MYH6: variants seen among roughly 807,000 people sequenced by gnomAD.
MYH6 encodes the protein myosin heavy chain 6, also known as myosin-6.
Under a neutral mutation model 223.2 loss-of-function variants are expected in MYH6, and 126 were observed. The ratio of observed to expected loss-of-function variants is 0.56; its 90% confidence interval spans 0.49 to 0.65. The LOEUF is 0.65. MYH6 is among the 30% of genes least tolerant of loss of function. The pLI is 0.00. For synonymous variants in MYH6, 978 were observed against 1,010.2 expected, an observed-to-expected ratio of 0.97 and a Z score of 0.61; for missense variants, 2,040 against 2,536.4, an observed-to-expected ratio of 0.80 and a Z score of 4.20.
At position 23,405,258 on chromosome 14, in the gene MYH6, G is replaced by C. The variant is rs372298082; in HGVS notation, c.467C>G (p.Ser156Cys). The change falls in exon 5 of 39, where the codon TCC (serine) becomes TGC (cysteine). Residue 156 changes from serine to cysteine, a missense_variant. This residue lies in a region of MYH6 where 184 missense variants were observed against 232.4 expected (regional missense o/e 0.79). Transcript: ENST00000405093. The surrounding 1 kb of genome is among the most constrained non-coding windows in gnomAD (Gnocchi z 4.7). ...GTACTGATAGGCGTTGTCGGAGATG[G>C]AGAAGATGTGGGGCGGGGCCTCACT... ...KRSEAPPHIF[S>C]ISDNAYQYML... is the part of the protein sequence containing the mutation. 3.7e-6 allele frequency: 6 copies of C among 1,614,056 alleles called. No individual in the cohort carries two copies. The African/African-American group carries it at 8.0e-5, about 22-fold the overall frequency.
intron 23 of MYH6, 64 bp from the exon 24 acceptor site, chr14:23,393,121 G>T: frequency 1.2e-6 from 2 of 1,603,708 alleles, no homozygotes; most frequent in African/African-American, 1.3e-5. Context: ...ATGCTCTTTT[G>T]CCTCCTTCTA....
chr14:23,397,508 C>T lies in MYH6; in HGVS notation c.1962+35G>A, dbSNP rs746499890. Reference sequence around the variant, plus strand: ...CAGAAGTCTCTGGGCTGGGCCATTCCACCAGGTGTCCTGGCACCCCTGGGC... The same window carrying T: ...CAGAAGTCTCTGGGCTGGGCCATTCTACCAGGTGTCCTGGCACCCCTGGGC... On this transcript the variant is annotated intron_variant, in intron 16 of 38. Transcript: ENST00000405093. The T allele has an allele frequency of 3.7e-6, 6 of 1,608,158 alleles. No homozygotes were observed. In the Admixed American group the frequency reaches 1.0e-4, roughly 27 times the overall value.
At chr14:23,384,303 T>C in intron 36 of MYH6, 139 bp downstream of exon 36, 1 of 1,363,488 alleles carries the variant, frequency 7.3e-7, no homozygotes, top group Non-Finnish European at 1.0e-6. Flanking sequence ...CAAGTCAAAC[T>C]GACTGCAGAG....
At position 23,400,820 on chromosome 14, in the gene MYH6, A is replaced by T. The variant is rs1347517536; in HGVS notation, c.1299T>A (p.Tyr433Ter). The change falls in exon 13 of 39, where the codon TAT becomes TAA. Residue 433 changes from tyrosine to a stop codon, truncating the protein, a stop_gained. Transcript: ENST00000405093. LOFTEE classifies it high-confidence loss of function. ...TCACCATCCAGTTGAACATCTTCTC[A>T]TACACTGCCTTGGCCAGAGCCCCGA... Reference protein sequence around the residue: ...YSIGALAKAVYEKMFNWMVTR... With the variant: ...YSIGALAKAV 6.2e-7 allele frequency: 1 copy of T among 1,614,010 alleles called. No homozygotes were observed. The highest frequency in any genetic ancestry group is 8.5e-7 in the Non-Finnish European group (1 of 1,180,026).
Position 23,405,900 on chromosome 14 carries a change from G to C in MYH6, c.202-130C>G, listed in dbSNP as rs895301297. Reference sequence around the variant, plus strand: ...CTCCCCTTGCTCTGACCAGTGCCCCGGCCCCTACCCCGATGTCCCCTGGGA... The same window carrying C: ...CTCCCCTTGCTCTGACCAGTGCCCCCGCCCCTACCCCGATGTCCCCTGGGA... On this transcript the variant is annotated intron_variant, in intron 3 of 38. Transcript: ENST00000405093. The surrounding 1 kb of genome is among the most constrained non-coding windows in gnomAD (Gnocchi z 4.7). 9.6e-6 allele frequency: 11 copies of C among 1,149,560 alleles called. No homozygotes were observed. In the South Asian group the frequency reaches 1.3e-4, roughly 13 times the overall value. 71.2% of individuals were successfully genotyped at this position (1,149,560 alleles called of 1,614,324 possible). A position where few individuals can be genotyped will look rare whatever the true frequency, so the allele number is the denominator to read the frequency against.
intron 9 of MYH6, 131 bp from the exon 10 acceptor site, chr14:23,403,577 TTAAA>T: frequency 8.4e-7 from 1 of 1,195,974 alleles, no homozygotes; most frequent in Middle Eastern, 2.0e-4. Flanking sequence ...AAGATGTGGC[TTAAA>T]TAAAAAGGAT....
intron 31 of MYH6, 31 bp downstream of exon 31, chr14:23,387,727 T>C (rs1298279802): frequency 6.2e-7 from 1 of 1,613,534 alleles, no homozygotes. Flanking sequence ...TCCCACCAAC[T>C]CATCTCTGGC....
intron 26 of MYH6, 124 bp from the exon 27 acceptor site, chr14:23,389,843 G>T (rs1392237529): frequency 2.6e-6 from 4 of 1,543,580 alleles, no homozygotes; most frequent in Non-Finnish European, 3.6e-6. Context: ...GTGGGAGGGC[G>T]CAGTCTGAAG....
chr14:23,393,386 T>C lies in MYH6; in HGVS notation c.3061A>G (p.Ser1021Gly). Residue 1021 changes from serine (S) to glycine (G), a missense_variant, in exon 23 of 39, where the codon AGC (serine) becomes GGC (glycine). Physicochemically the swap from Ser to Gly is moderately conservative, Grantham distance 56. Around this residue, in one of 4 missense-constraint regions of MYH6, gnomAD observed 1,203 missense variants for 1,400.2 expected, o/e 0.86. Coordinates refer to ENST00000405093, the MANE Select transcript of MYH6 (RefSeq NM_002471.4). ...DLQVEEDKVN[S>G]LSKSKVKLEQ... ...AGCTTGACCTTAGACTTGGACAGGC[T>C]GTTGACCTTGTCTTCCTCAACCTGA... 6.2e-7 allele frequency: 1 copy of C among 1,614,234 alleles called. No homozygotes were observed. The highest frequency in any genetic ancestry group is 8.5e-7 in the Non-Finnish European group (1 of 1,180,040).
intron 15 of MYH6, among the ~76,000 whole-genome samples, chr14:23,398,077 G>A (rs1165994883): frequency 6.7e-6 from 1 of 150,210 alleles, no homozygotes. Flanking sequence ...GAGTGCAGTG[G>A]TGCAATCTTG....
In MYH6 at chr14:23,397,910, T is replaced by TCTCCTCCTCCTC. The variant is rs1247030438; in HGVS notation, c.1892-309_1892-298dup. The stretch of plus-strand genomic sequence containing the variant: ...TTCTTATATCTTTCCACATTCTAGT[T>TCTCCTCCTCCTC]CTCCTCCTCCTCCTCCTCCTCCTCT... On this transcript the variant is annotated intron_variant, in intron 15 of 38. Coordinates refer to ENST00000405093, the MANE Select transcript of MYH6 (RefSeq NM_002471.4). Among the ~76,000 whole-genome samples the TCTCCTCCTCCTC allele has an allele frequency of 1.5e-3, 166 of 112,882 alleles. 8 individuals are homozygous for TCTCCTCCTCCTC. Among genetic ancestry groups the TCTCCTCCTCCTC allele is most frequent in the African/African-American group, 4.9e-3 (128 of 26,206 alleles). 74.1% of individuals were successfully genotyped at this position (112,882 alleles called of 152,430 possible). A position where few individuals can be genotyped will look rare whatever the true frequency, so the allele number is the denominator to read the frequency against.
In MYH6 at chr14:23,405,272, C is replaced by T. The variant is rs777360238; in HGVS notation, c.453G>A (p.Pro151=). 1.9e-5 allele frequency: 30 copies of T among 1,614,018 alleles called. No homozygotes were observed. The highest frequency in any genetic ancestry group is 8.3e-5 in the Admixed American group (5 of 60,000). Residue 151 remains proline, a synonymous_variant, in exon 5 of 39, where the codon CCG becomes CCA. Coordinates refer to ENST00000405093, the MANE Select transcript of MYH6 (RefSeq NM_002471.4). The surrounding 1 kb of genome is among the most constrained non-coding windows in gnomAD (Gnocchi z 4.7). ...AYRGKKRSEA[P]PHIFSISDNA... ...TGTCGGAGATGGAGAAGATGTGGGG[C>T]GGGGCCTCACTCCTCTTCTTGCCCC...
chr14:23,393,614 G>C lies in MYH6; in HGVS notation c.2928+52C>G. ...TGCCAAGGACCAGGACAACACTCTAGTCTGGGAGTCTTGAGGAGACCTGGG... is the reference window on the plus strand; with the variant it reads ...TGCCAAGGACCAGGACAACACTCTACTCTGGGAGTCTTGAGGAGACCTGGG... On this transcript the variant is annotated intron_variant, in intron 22 of 38. Coordinates refer to ENST00000405093, the MANE Select transcript of MYH6 (RefSeq NM_002471.4). 2.5e-6 allele frequency: 4 copies of C among 1,614,200 alleles called. No homozygotes were observed. In the South Asian group the frequency reaches 4.4e-5, roughly 18 times the overall value.
chr14:23,397,639 A>G (rs1304332212), intron 15 of MYH6, 26 bp from the exon 16 acceptor site: 1 of 1,612,280 alleles, frequency 6.2e-7, no homozygotes, highest in African/African-American at 1.3e-5. Context: ...AGAAATAATC[A>G]ACAGGAGCTG....
Position 23,393,434 on chromosome 14 carries a change from G to A in MYH6, c.3013C>T (p.His1005Tyr). Reference protein sequence around the residue: ...TKEKKALQEAHQQALDDLQVE... With the variant: ...TKEKKALQEAYQQALDDLQVE... ...TGAAGGTCATCCAGGGCCTGCTGAT[G>A]GGCCTCTTGTAGAGCTTTCTTCTCC... Residue 1005 changes from histidine (H) to tyrosine (Y), a missense_variant, in exon 23 of 39, where the codon CAT (histidine) becomes TAT (tyrosine). Around this residue, in one of 4 missense-constraint regions of MYH6, gnomAD observed 1,203 missense variants for 1,400.2 expected, o/e 0.86. Coordinates refer to ENST00000405093, the MANE Select transcript of MYH6 (RefSeq NM_002471.4). 1 of 1,614,104 alleles carries A rather than the reference G, an allele frequency of 6.2e-7. No homozygotes were observed. Among genetic ancestry groups the A allele is most frequent in the Admixed American group, 1.7e-5 (1 of 60,012 alleles).
rs1231663081 is a variant in MYH6 at position 23,402,808 on chromosome 14, AGGCAAGGGGTGAGGCAGG to A, written c.899-26_899-9del. 7 of 1,468,596 alleles carry A rather than the reference AGGCAAGGGGTGAGGCAGG, an allele frequency of 4.8e-6. No individual in the cohort carries two copies. The highest frequency in any genetic ancestry group is 3.1e-5 in the East Asian group (1 of 32,766). 91.0% of individuals were successfully genotyped at this position (1,468,596 alleles called of 1,614,324 possible). A position where few individuals can be genotyped will look rare whatever the true frequency, so the allele number is the denominator to read the frequency against. ...TGGTGACCAGCAGCATGTCTGCACC[AGGCAAGGGGTGAGGCAGG>A]GGCAAGGGGGCAGGCGGAGGGCAGG... On this transcript the variant is annotated splice_polypyrimidine_tract_variant and intron_variant, in intron 10 of 38. Coordinates refer to ENST00000405093, the MANE Select transcript of MYH6 (RefSeq NM_002471.4).
In MYH6 at chr14:23,407,164, C is replaced by G; in HGVS notation, c.60G>C (p.Glu20Asp). 2 of 1,614,286 alleles carry G rather than the reference C, an allele frequency of 1.2e-6. No homozygotes were observed. Among genetic ancestry groups the G allele is most frequent in the Non-Finnish European group, 1.7e-6 (2 of 1,180,048 alleles). Residue 20 changes from glutamate to aspartate, a missense_variant, in exon 3 of 39, where the codon GAG (glutamate) becomes GAC (aspartate). Around this residue, in one of 4 missense-constraint regions of MYH6, gnomAD observed 184 missense variants for 232.4 expected, o/e 0.79. Transcript: ENST00000405093. This position sits in a 1 kb window ranked among gnomAD's most constrained non-coding sequence, Gnocchi z 5.6. ...GAAAQYLRKS[E>D]KERLEAQTRP... ...GGGTCTGGGCCTCTAGACGCTCCTT[C>G]TCTGACTTGCGGAGGTACTGGGCCG...
intron 28 of MYH6, 72 bp from the exon 29 acceptor site, chr14:23,389,127 GTA>G: frequency 6.7e-7 from 1 of 1,494,218 alleles, no homozygotes; most frequent in Non-Finnish European, 8.9e-7. Context: ...CTCTTCTTAT[GTA>G]GTACTTCAAC....
Position 23,393,900 on chromosome 14 carries a change from GT to G in MYH6, c.2693del (p.Asp898AlafsTer13). On this transcript the variant is annotated frameshift_variant, in exon 22 of 39. Transcript: ENST00000405093. LOFTEE classifies it high-confidence loss of function. Reference protein sequence around the residue: ...DLQLQVQAEQDNLNDAEERCD... With the variant: ...DLQLQVQAEQXNLNDAEERCD... ...AGCGCTCCTCAGCATCATTGAGGTT[GT>G]CTTGTTCCTGGGAGAAGAGAACAGG... The G allele has an allele frequency of 6.2e-7, 1 of 1,614,198 alleles. No homozygotes were observed. Among genetic ancestry groups the G allele is most frequent in the African/African-American group, 1.3e-5 (1 of 75,040 alleles).
Sources: allele counts gnomAD v4.1 joint callset (sites outside exome capture counted in the v4.1 genomes callset), GRCh38; gene constraint gnomAD v4.1.1; regional missense constraint gnomAD v4.1.1; non-coding constraint Gnocchi (gnomAD v3.1); transcripts MANE v1.5; gene names NCBI Gene and HGNC (gene_info 2026-07-23, HGNC 2026-07-21).